SHANK2: variants seen among roughly 807,000 people sequenced by gnomAD.
SHANK2 encodes the protein SH3 and multiple ankyrin repeat domains protein 2.
Under a neutral mutation model 133.7 loss-of-function variants are expected in SHANK2, and 43 were observed. That is an observed-to-expected ratio of 0.32 (90% CI 0.25 to 0.41). SHANK2 has a LOEUF of 0.41. Among genes scored for constraint, SHANK2 ranks in the 10% least tolerant of loss-of-function variants. The pLI, the probability that SHANK2 is intolerant of heterozygous loss-of-function variation, is 1.00. For synonymous variants in SHANK2, 1,017 were observed against 952.8 expected (o/e 1.07, Z -1.24); for missense variants, 1,994 against 2,235.8 (o/e 0.89, Z 2.18).
intron 9 of SHANK2, among the ~76,000 whole-genome samples, chr11:71,061,376 G>A (rs1463442058): frequency 6.6e-6 from 1 of 152,218 alleles, no homozygotes; most frequent in Non-Finnish European, 1.5e-5. Context: ...TGACCACGCT[G>A]GCAGGATGCC....
chr11:71,111,309 G>A (rs144370026), intron 5 of SHANK2, among the ~76,000 whole-genome samples: 2 of 152,292 alleles, frequency 1.3e-5, no homozygotes, highest in Admixed American at 6.5e-5. Flanking sequence ...AACCCACTTT[G>A]TGGTGAACCC....
intron 1 of SHANK2, among the ~76,000 whole-genome samples, chr11:71,250,646 AAT>A (rs1454001270): frequency 6.6e-6 from 1 of 152,144 alleles, no homozygotes; most frequent in Non-Finnish European, 1.5e-5. Flanking sequence ...CTCCAAAAGC[AAT>A]CGGCCCGGGG....
At chr11:70,624,846 C>T (rs920703274) in intron 17 of SHANK2, among the ~76,000 whole-genome samples, 95 of 152,302 alleles carry the variant, frequency 6.2e-4, no homozygotes, top group African/African-American at 2.1e-3. Flanking sequence ...GGCGGCTCTG[C>T]GAAATGCCTC....
chr11:70,926,060 C>T (rs761718078), intron 10 of SHANK2, among the ~76,000 whole-genome samples: 1 of 151,992 alleles, frequency 6.6e-6, no homozygotes, highest in Non-Finnish European at 1.5e-5. Flanking sequence ...ATTGCTTGAA[C>T]CCAGGAGTTT....
rs2060021166 is a variant in SHANK2 at position 70,569,775 on chromosome 11, G to A, written c.2062-66844C>T. Among the ~76,000 whole-genome samples the A allele has an allele frequency of 6.6e-6, 1 of 152,136 alleles. No homozygotes were observed. Among genetic ancestry groups the A allele is most frequent in the African/African-American group, 2.4e-5 (1 of 41,440 alleles). ...GGGGAAGATGCTCTCCTGTCCCTGG[G>A]GGGCTGTGATGCTGGCAGATGTGTG... On this transcript the variant is annotated intron_variant, in intron 17 of 25. Transcript: ENST00000601538. The surrounding 1 kb of genome is among the most constrained non-coding windows in gnomAD (Gnocchi z 5.1).
At position 70,806,089 on chromosome 11, in the gene SHANK2, A is replaced by G. The variant is rs1948151573; in HGVS notation, c.1663+913T>C. ...CTGAGTCAATTACCTGCTGGGGGCC[A>G]GGAGGCAGCCAGCTGGGGAAGGCGG... On this transcript the variant is annotated intron_variant, in intron 13 of 25. Coordinates refer to ENST00000601538, the MANE Select transcript of SHANK2 (RefSeq NM_012309.5). Among the ~76,000 whole-genome samples the G allele has an allele frequency of 2.0e-5, 3 of 152,356 alleles. No individual in the cohort carries two copies. The South Asian group carries it at 6.2e-4, about 32-fold the overall frequency.
intron 14 of SHANK2, among the ~76,000 whole-genome samples, chr11:70,725,536 T>C (rs1036633153): frequency 2.0e-5 from 3 of 152,316 alleles, no homozygotes; most frequent in Non-Finnish European, 4.4e-5. Flanking sequence ...AGCAAGGGCC[T>C]GGTGCCCAAA....
intron 11 of SHANK2, among the ~76,000 whole-genome samples, chr11:70,858,343 G>C (rs1385758161): frequency 6.6e-6 from 1 of 152,246 alleles, no homozygotes; most frequent in Non-Finnish European, 1.5e-5. Context: ...CAGGTAGGCA[G>C]GGTGCATGTG....
At chr11:70,561,712 G>C (rs1206250917) in intron 17 of SHANK2, among the ~76,000 whole-genome samples, 3 of 23,428 alleles carry the variant, frequency 1.3e-4, no homozygotes, top group Admixed American at 7.5e-4. Flanking sequence ...ACTTTTTGTA[G>C]AGATGGCAGG....
intron 15 of SHANK2, among the ~76,000 whole-genome samples, chr11:70,697,920 G>C (rs1178753321): frequency 1.3e-5 from 2 of 152,168 alleles, no homozygotes; most frequent in Admixed American, 6.5e-5. Context: ...ACTGGCCCTT[G>C]TTGAGCTTCA....
intron 17 of SHANK2, among the ~76,000 whole-genome samples, chr11:70,529,217 C>G: frequency 6.6e-6 from 1 of 152,224 alleles, no homozygotes; most frequent in East Asian, 1.9e-4. Flanking sequence ...GCACCCACTA[C>G]TTGCAACAGC....
intron 10 of SHANK2, among the ~76,000 whole-genome samples, chr11:70,937,685 CTT>C (rs797040452): frequency 6.8e-6 from 1 of 146,144 alleles, no homozygotes. Flanking sequence ...GTGCGTGCAT[CTT>C]TTTTTTTTTT....
chr11:70,880,271 G>A (rs537286199), intron 11 of SHANK2, among the ~76,000 whole-genome samples: 15 of 152,360 alleles, frequency 9.8e-5, no homozygotes, highest in Admixed American at 5.2e-4. Context: ...AATGTGAAAA[G>A]GCAGGTGCAC....
At chr11:71,059,141 T>C (rs1178225615) in intron 9 of SHANK2, among the ~76,000 whole-genome samples, 2 of 152,106 alleles carry the variant, frequency 1.3e-5, no homozygotes, top group African/African-American at 4.8e-5. Flanking sequence ...CACTTGAACC[T>C]GGGAGGTGGA....
intron 8 of SHANK2, among the ~76,000 whole-genome samples, chr11:71,085,951 T>C (rs1293147147): frequency 0.015 from 107 of 7,074 alleles, 4 homozygotes; most frequent in Admixed American, 0.032. Flanking sequence ...ATATGTTATA[T>C]ATATTATGTT....
chr11:70,723,690 C>A (rs1376558699), intron 14 of SHANK2, among the ~76,000 whole-genome samples: 1 of 152,108 alleles, frequency 6.6e-6, no homozygotes, highest in African/African-American at 2.4e-5. Context: ...CTAATCAAGT[C>A]CCACACTGTT....
rs370392620 is a variant in SHANK2, at chr11:71,092,515, G to A, written c.819C>T (p.Ile273=). The A allele has an allele frequency of 2.2e-5, 34 of 1,551,652 alleles. No homozygotes were observed. In the East Asian group the frequency reaches 3.4e-4, roughly 16 times the overall value. ...YGLTPLYHTA[I]VGGDPYCCEL... The stretch of plus-strand genomic sequence containing the variant: ...CGCAGCAGTAGGGATCACCTCCGAC[G>A]ATGGCTGTGTGATACAGCGGGGTGA... Residue 273 remains isoleucine, a synonymous_variant, in exon 8 of 26, where the codon ATC becomes ATT. Transcript: ENST00000601538.
Position 71,153,621 on chromosome 11 carries a change from C to T in SHANK2, c.-12-6283G>A, listed in dbSNP as rs189845446. 8.5e-5 allele frequency among the ~76,000 whole-genome samples: 13 copies of T among 152,280 alleles called. No individual in the cohort carries two copies. In the East Asian group the frequency reaches 2.3e-3, roughly 27 times the overall value. ...AACAAACAAAAAACCTCACGGCCAG[C>T]GCTGACTTTGTCAAGGTTAGAGTTG... On this transcript the variant is annotated intron_variant, in intron 2 of 25. Coordinates refer to ENST00000601538, the MANE Select transcript of SHANK2 (RefSeq NM_012309.5).
chr11:70,799,448 C>A (rs1947995139), intron 13 of SHANK2, among the ~76,000 whole-genome samples: 1 of 152,112 alleles, frequency 6.6e-6, no homozygotes, highest in African/African-American at 2.4e-5. Flanking sequence ...GATGGGCGAG[C>A]AGCTCACGAA....
Sources: gnomAD v4.1 joint callset for allele counts (sites outside exome capture counted in the v4.1 genomes callset) on GRCh38, gnomAD v4.1.1 for gene constraint, Gnocchi (gnomAD v3.1) non-coding constraint, MANE v1.5 for transcripts, NCBI Gene and HGNC (gene_info 2026-07-23, HGNC 2026-07-21) for gene names.